OR3A2: variants seen among roughly 807,000 people sequenced by gnomAD.
OR3A2 encodes olfactory receptor 3A2.
For synonymous variants in OR3A2, 126 were observed against 159.3 expected (o/e 0.79, Z 1.57); for missense variants, 318 against 392.8 (o/e 0.81, Z 1.61).
At chr17:3,377,752 G>A (rs1404561894) in intron 2 of OR3A2, 3 of 152,218 alleles carry the variant, frequency 2.0e-5, no homozygotes, top group Non-Finnish European at 4.4e-5. Flanking sequence ...AATCCAGTAT[G>A]ACAGGGCCAG....
intron 2 of OR3A2, among the ~76,000 whole-genome samples, chr17:3,372,145 A>G (rs230397): frequency 0.64 from 93,345 of 145,138 alleles, 30,601 homozygotes; most frequent in East Asian, 0.99. Flanking sequence ...CCTCCCAGAC[A>G]GGGTCGCGGC....
At position 3,381,552 on chromosome 17, in the gene OR3A2, G is replaced by A. The variant is rs148314198; in HGVS notation, c.-179+2252C>T. 4.7e-3 allele frequency among the ~76,000 whole-genome samples: 712 copies of A among 152,226 alleles called. 7 individuals carry two copies. Among genetic ancestry groups the A allele is most frequent in the African/African-American group, 0.016 (658 of 41,542 alleles). On this transcript the variant is annotated intron_variant, in intron 2 of 4. Transcript: ENST00000573491. ...TCATATCTCCCCATCGCCTGAAGTC[G>A]TCAGGAGATGGGGAAGGAAACTGAC...
chr17:3,379,481 G>T (rs752948197), intron 2 of OR3A2, among the ~76,000 whole-genome samples: 2 of 152,262 alleles, frequency 1.3e-5, no homozygotes, highest in East Asian at 3.9e-4. Context: ...TGTGAGGCTC[G>T]GCTGCCACGA....
At chr17:3,357,350 AG>A (rs1013081666) in intron 2 of OR3A2, among the ~76,000 whole-genome samples, 5 of 151,714 alleles carry the variant, frequency 3.3e-5, no homozygotes, top group African/African-American at 1.2e-4. Context: ...AGAGACTTTC[AG>A]TTTCCTGTAA....
At chr17:3,276,760 G>A (rs115273492), downstream of OR3A2, among the ~76,000 whole-genome samples, 1 of 152,162 alleles carries the variant, frequency 6.6e-6, no homozygotes, top group Admixed American at 6.5e-5. Flanking sequence ...TCATATGTGT[G>A]AGGAAGGTAA....
intron 2 of OR3A2, among the ~76,000 whole-genome samples, chr17:3,371,417 G>C (rs1358828719): frequency 6.8e-6 from 1 of 147,666 alleles, no homozygotes; most frequent in Non-Finnish European, 1.5e-5. Flanking sequence ...TGGCTGGGCA[G>C]GGGGCTGACC....
At chr17:3,366,519 TAC>T (rs755225591) in intron 2 of OR3A2, among the ~76,000 whole-genome samples, 16 of 152,194 alleles carry the variant, frequency 1.1e-4, no homozygotes, top group Admixed American at 2.0e-4. Context: ...TAAAAATTGT[TAC>T]AGTTTCTTGT....
chr17:3,355,330 G>A (rs1233358259), intron 2 of OR3A2, among the ~76,000 whole-genome samples: 1 of 151,352 alleles, frequency 6.6e-6, no homozygotes, highest in Non-Finnish European at 1.5e-5. Context: ...CCATGGTGAA[G>A]ATTAAGTCCT....
chr17:3,306,933 CACA>C (rs894245433), intron 3 of OR3A2, among the ~76,000 whole-genome samples: 1 of 152,098 alleles, frequency 6.6e-6, no homozygotes, highest in African/African-American at 2.4e-5. Flanking sequence ...CAAGTTTTTC[CACA>C]ACAAGGCATG....
At chr17:3,366,009 A>C (rs936299827) in intron 2 of OR3A2, among the ~76,000 whole-genome samples, 37 of 152,322 alleles carry the variant, frequency 2.4e-4, no homozygotes, top group Middle Eastern at 6.8e-3. Flanking sequence ...GCTAGAATGA[A>C]TGATGTCTAG....
At chr17:3,292,752 T>C (rs1044505484) in intron 3 of OR3A2, among the ~76,000 whole-genome samples, 3 of 152,184 alleles carry the variant, frequency 2.0e-5, no homozygotes, top group Non-Finnish European at 4.4e-5. Flanking sequence ...TTGTTTACTC[T>C]GTCGCTACAT....
At chr17:3,326,541 GTCTTTTTTTTTTCT>G (rs1321775109) in intron 3 of OR3A2, among the ~76,000 whole-genome samples, 13 of 147,970 alleles carry the variant, frequency 8.8e-5, no homozygotes, top group Non-Finnish European at 1.9e-4. Context: ...TCTTATGCCT[GTCTTTTTTTTTTCT>G]TCTTTTTTTT....
intron 3 of OR3A2, among the ~76,000 whole-genome samples, chr17:3,331,728 C>T (rs916434926): frequency 1.2e-4 from 18 of 152,150 alleles, no homozygotes; most frequent in Non-Finnish European, 1.5e-4. Flanking sequence ...CAAAGTCATT[C>T]TCCATCCAGC....
intron 2 of OR3A2, among the ~76,000 whole-genome samples, chr17:3,347,813 T>A (rs191632346): frequency 6.6e-6 from 1 of 152,240 alleles, no homozygotes; most frequent in African/African-American, 2.4e-5. Flanking sequence ...CCCTGAGGAA[T>A]CGTCACACTG....
chr17:3,383,367 T>C (rs2049754454), intron 2 of OR3A2, among the ~76,000 whole-genome samples: 1 of 152,180 alleles, frequency 6.6e-6, no homozygotes, highest in South Asian at 2.1e-4. Flanking sequence ...GGAACTAACA[T>C]CTATTAGCAT....
chr17:3,362,476 C>T (rs2049527074), intron 2 of OR3A2, among the ~76,000 whole-genome samples: 3 of 151,654 alleles, frequency 2.0e-5, no homozygotes, highest in Non-Finnish European at 4.4e-5. Context: ...AATGTGTTTG[C>T]TCTTGCTTCT....
Position 3,326,708 on chromosome 17 carries a change from C to G in OR3A2, c.-85+9325G>C, listed in dbSNP as rs1220519978. Among the ~76,000 whole-genome samples, 3 of 114,310 alleles carry G rather than the reference C, an allele frequency of 2.6e-5. No homozygotes were observed. The Admixed American group carries it at 3.0e-4, about 11-fold the overall frequency. 75.0% of individuals were successfully genotyped at this position (114,310 alleles called of 152,430 possible). ...CCCAATGCTATCCCTCCCCCCTCCC[C>G]CCACTCCACCACAGTCCCCACAGTG... On this transcript the variant is annotated intron_variant, in intron 3 of 4. Transcript: ENST00000573491.
intron 2 of OR3A2, among the ~76,000 whole-genome samples, chr17:3,378,106 C>A (rs1439753552): frequency 6.6e-6 from 1 of 152,204 alleles, no homozygotes; most frequent in Non-Finnish European, 1.5e-5. Context: ...TCAGGCCATC[C>A]CTGGCTTGAA....
At chr17:3,308,464 C>T (rs1597330888) in intron 3 of OR3A2, among the ~76,000 whole-genome samples, 1 of 152,138 alleles carries the variant, frequency 6.6e-6, no homozygotes, top group African/African-American at 2.4e-5. Flanking sequence ...ACCCTCTGGG[C>T]TCTGAAACAG....
Sources: allele counts gnomAD v4.1 joint callset (sites outside exome capture counted in the v4.1 genomes callset), GRCh38; gene constraint gnomAD v4.1.1; transcripts MANE v1.5; gene names NCBI Gene and HGNC (gene_info 2026-07-23, HGNC 2026-07-21).